The following SIPA1L2 variants were observed in gnomAD, a reference collection of about 807,000 sequenced individuals.
The protein encoded by SIPA1L2 is signal induced proliferation associated 1 like 2, also known as signal-induced proliferation-associated 1-like protein 2.
In SIPA1L2, 56 loss-of-function variants were observed where a neutral mutation model predicts 163.9. The ratio of observed to expected loss-of-function variants is 0.34; its 90% CI spans 0.28 to 0.43. The LOEUF is 0.43. Among genes scored for constraint, SIPA1L2 ranks in the 20% least tolerant of loss-of-function variants. The probability of loss-of-function intolerance (pLI) is 1.00; values close to 1 mark genes in which losing one functional copy is unlikely to be tolerated. For missense variants in SIPA1L2, 1,974 were observed against 2,193.5 expected, an observed-to-expected ratio of 0.90 and a Z score of 2.00; for synonymous variants, 877 against 865.7, an observed-to-expected ratio of 1.01 and a Z score of -0.23.
intron 7 of SIPA1L2, among the ~76,000 whole-genome samples, chr1:232,475,025 A>G (rs1664971034): frequency 6.6e-6 from 1 of 152,204 alleles, no homozygotes; most frequent in Non-Finnish European, 1.5e-5. Flanking sequence ...AGAAGCTCAT[A>G]AGAGTCAGAG....
chr1:232,537,734 C>T (rs999105782), intron 2 of SIPA1L2, among the ~76,000 whole-genome samples: 1 of 152,176 alleles, frequency 6.6e-6, no homozygotes, highest in African/African-American at 2.4e-5. Flanking sequence ...TCGATTCTCT[C>T]ATCTGTAAAA....
intron 10 of SIPA1L2, among the ~76,000 whole-genome samples, chr1:232,455,541 C>T (rs1421638972): frequency 1.3e-5 from 2 of 151,830 alleles, no homozygotes; most frequent in Admixed American, 6.6e-5. Flanking sequence ...ATTAGCCGGG[C>T]GTGGTGGCGG....
chr1:232,548,861 C>A (rs576449855), intron 2 of SIPA1L2, among the ~76,000 whole-genome samples: 32 of 152,284 alleles, frequency 2.1e-4, no homozygotes, highest in African/African-American at 7.2e-4. Context: ...GGAGAGCGAG[C>A]AGGATCCGTG....
At chr1:232,594,915 A>G (rs1661175041) in intron 1 of SIPA1L2, among the ~76,000 whole-genome samples, 1 of 152,156 alleles carries the variant, frequency 6.6e-6, no homozygotes, top group African/African-American at 2.4e-5. Context: ...GCCCACACCC[A>G]GGCTGCACCC....
chr1:232,439,466 T>A lies in SIPA1L2; in HGVS notation c.3673A>T (p.Ser1225Cys). The part of the protein sequence containing the change: ...IGDKSCSSHS[S>C]SNTLSSNTSS... ...GTGTTGCTGGAGAGCGTGTTGCTGC[T>A]GGAGTGACTGGAGCAACTTTTATCC... The change falls in exon 15 of 23, where the codon AGC becomes TGC. Residue 1225 changes from serine to cysteine, a missense_variant. Physicochemically the swap from Ser to Cys is moderately radical, Grantham distance 112. Coordinates refer to ENST00000674635, the MANE Select transcript of SIPA1L2 (RefSeq NM_020808.5). 6 of 1,613,606 alleles carry A rather than the reference T, an allele frequency of 3.7e-6. No individual in the cohort carries two copies. The highest frequency in any genetic ancestry group is 5.1e-6 in the Non-Finnish European group (6 of 1,179,586).
At chr1:232,557,335 G>A (rs1658772243) in intron 2 of SIPA1L2, among the ~76,000 whole-genome samples, 4 of 152,166 alleles carry the variant, frequency 2.6e-5, no homozygotes, top group African/African-American at 9.7e-5. Context: ...ACGGACTCTT[G>A]AGAGTTCAGG....
chr1:232,525,158 T>A (rs1291543147), intron 2 of SIPA1L2, among the ~76,000 whole-genome samples: 2 of 152,092 alleles, frequency 1.3e-5, no homozygotes, highest in African/African-American at 4.8e-5. Context: ...TAACGTTTTT[T>A]TTTTATGGCA....
At chr1:232,608,050 A>AAAAAAAAAAAAAC (rs1308376187) in intron 1 of SIPA1L2, among the ~76,000 whole-genome samples, 1 of 62,458 alleles carries the variant, frequency 1.6e-5, no homozygotes, top group African/African-American at 4.6e-5. Context: ...TCCATCTCAA[A>AAAAAAAAAAAAAC]AAAAAAAAAA....
At chr1:232,532,608 AT>A (rs1322622434) in intron 2 of SIPA1L2, among the ~76,000 whole-genome samples, 1 of 152,216 alleles carries the variant, frequency 6.6e-6, no homozygotes, top group Non-Finnish European at 1.5e-5. Context: ...GGATAAAAAA[AT>A]AAATTTAGCT....
chr1:232,539,021 A>C (rs555256200), intron 2 of SIPA1L2, among the ~76,000 whole-genome samples: 1 of 152,254 alleles, frequency 6.6e-6, no homozygotes, highest in Admixed American at 6.5e-5. Context: ...TGCTGGGGGA[A>C]GTAGCAGTCA....
At chr1:232,555,172 C>T (rs1658626968) in intron 2 of SIPA1L2, among the ~76,000 whole-genome samples, 1 of 152,212 alleles carries the variant, frequency 6.6e-6, no homozygotes, top group African/African-American at 2.4e-5. Flanking sequence ...AATGAAACCA[C>T]CCAAACATTA....
chr1:232,450,464 T>C (rs1416268404), intron 10 of SIPA1L2, among the ~76,000 whole-genome samples: 1 of 152,230 alleles, frequency 6.6e-6, no homozygotes, highest in East Asian at 1.9e-4. Flanking sequence ...TACTTTTGTC[T>C]TCCACTCAAA....
chr1:232,516,292 T>C (rs1227067378), intron 2 of SIPA1L2, among the ~76,000 whole-genome samples: 1 of 152,210 alleles, frequency 6.6e-6, no homozygotes, highest in African/African-American at 2.4e-5. Flanking sequence ...TCAAATACAT[T>C]GCAGTAGTGA....
chr1:232,450,868 C>A (rs908111289), intron 10 of SIPA1L2, among the ~76,000 whole-genome samples: 4 of 152,082 alleles, frequency 2.6e-5, no homozygotes, highest in African/African-American at 9.7e-5. Flanking sequence ...TGAGAGAATG[C>A]TGGCAAAAAT....
chr1:232,564,323 G>GGTGCGAT (rs1659274201), intron 2 of SIPA1L2, among the ~76,000 whole-genome samples: 2 of 146,086 alleles, frequency 1.4e-5, no homozygotes, highest in Non-Finnish European at 3.0e-5. Context: ...GGAGTGCAAT[G>GGTGCGAT]GTGCGATCTT....
At chr1:232,462,161 G>T in intron 9 of SIPA1L2, 1 of 1,421,610 alleles carries the variant, frequency 7.0e-7, no homozygotes, top group Non-Finnish European at 9.7e-7. Context: ...GTACATTAAA[G>T]CACCACTAAT....
chr1:232,626,376 C>T (rs1410216009), intron 1 of SIPA1L2, among the ~76,000 whole-genome samples: 2 of 151,962 alleles, frequency 1.3e-5, no homozygotes, highest in African/African-American at 2.4e-5. Context: ...TTCCTACCAC[C>T]CAACTTGGCT....
chr1:232,512,530 T>TACATATACACC (rs1482714738), intron 3 of SIPA1L2, among the ~76,000 whole-genome samples: 1 of 152,142 alleles, frequency 6.6e-6, no homozygotes, highest in Non-Finnish European at 1.5e-5. Flanking sequence ...CCATGGATAC[T>TACATATACACC]ATGTAGCCAT....
chr1:232,511,484 A>G (rs1316690743), intron 3 of SIPA1L2, among the ~76,000 whole-genome samples: 1 of 152,248 alleles, frequency 6.6e-6, no homozygotes, highest in Non-Finnish European at 1.5e-5. Context: ...TACAAAAGAC[A>G]TGCTAAGTCT....
Sources: allele counts gnomAD v4.1 joint callset (sites outside exome capture counted in the v4.1 genomes callset), GRCh38; gene constraint gnomAD v4.1.1; transcripts MANE v1.5; gene names NCBI Gene and HGNC (gene_info 2026-07-23, HGNC 2026-07-21).